Variants in ZNF391 observed in about 807,000 individuals in gnomAD.
ZNF391 encodes zinc finger protein 391.
For missense variants in ZNF391, 375 were observed against 425.5 expected (o/e 0.88, Z 1.04); for synonymous variants, 126 against 142.1 (o/e 0.89, Z 0.80).
At chr6:27,399,783 G>A (rs990818368) in intron 2 of ZNF391, among the ~76,000 whole-genome samples, 3 of 152,168 alleles carry the variant, frequency 2.0e-5, no homozygotes, top group African/African-American at 4.8e-5. Context: ...GGGTTGAGAG[G>A]CAAATGGGGA....
upstream of ZNF391, chr6:27,388,686 C>A (rs1761623919): frequency 6.2e-6 from 2 of 324,796 alleles, no homozygotes; most frequent in East Asian, 1.9e-4. Flanking sequence ...TGAATCCCAG[C>A]ACAGCCCTGC....
Position 27,400,425 on chromosome 6 carries a change from A to G in ZNF391, c.55A>G (p.Lys19Glu). ...AQGPTNEEDY[K>E]NEGQLSRQTK... ...GGGTCCTACAAATGAAGAAGACTAT[A>G]AAAACGAAGGCCAATTATCAAGGCA... Residue 19 changes from lysine (K) to glutamate (E), a missense_variant, in exon 3 of 3, where the codon AAA (lysine) becomes GAA (glutamate). Coordinates refer to ENST00000244576, the MANE Select transcript of ZNF391 (RefSeq NM_001076781.3). The G allele has an allele frequency of 1.2e-6, 2 of 1,613,988 alleles. No homozygotes were observed. The highest frequency in any genetic ancestry group is 1.7e-6 in the Non-Finnish European group (2 of 1,179,982).
In ZNF391 at chr6:27,397,785, A is replaced by G. The variant is rs1394281628; in HGVS notation, c.-187-1657A>G. Among the ~76,000 whole-genome samples the G allele has an allele frequency of 2.0e-5, 3 of 152,098 alleles. No individual in the cohort carries two copies. The East Asian group carries it at 5.8e-4, about 29-fold the overall frequency. ...GCTGGGATTACAGGCATGCACCACC[A>G]TGCCCAACTAATTTTTGTATTTTTA... is the stretch of plus-strand genomic sequence containing the variant. On this transcript the variant is annotated intron_variant, in intron 1 of 2. Transcript: ENST00000244576.
At position 27,400,815 on chromosome 6, in the gene ZNF391, A is replaced by C. The variant is rs147958327; in HGVS notation, c.445A>C (p.Ser149Arg). Residue 149 changes from serine to arginine, a missense_variant, in exon 3 of 3, where the codon AGT becomes CGT. Physicochemically the swap from Ser to Arg is moderately radical, Grantham distance 110. Transcript: ENST00000244576. ...CNKCGKSFSR[S>R]THLIEHQRTH... The stretch of plus-strand genomic sequence containing the variant: ...CAAATGTGGGAAATCTTTCAGCCGA[A>C]GTACACACCTTATTGAACATCAAAG... 8.0e-4 allele frequency: 1,290 copies of C among 1,614,244 alleles called. 12 individuals are homozygous for C. The African/African-American group carries it at 0.015, about 19-fold the overall frequency.
In ZNF391 at chr6:27,401,354, CG is replaced by C. The variant is rs34226394; in HGVS notation, c.988del (p.Glu330ArgfsTer19). 1 of 1,613,908 alleles carries C rather than the reference CG, an allele frequency of 6.2e-7. No individual in the cohort carries two copies. Among genetic ancestry groups the C allele is most frequent in the Non-Finnish European group, 8.5e-7 (1 of 1,179,990 alleles). ...SLIIHQRTHT[G>X]EKPYKCNDCG... The stretch of plus-strand genomic sequence containing the variant: ...TTATTATTCATCAGAGAACTCATAC[CG>C]GGGAGAAGCCGTACAAATGTAATGA... On this transcript the variant is annotated frameshift_variant, in exon 3 of 3. Coordinates refer to ENST00000244576, the MANE Select transcript of ZNF391 (RefSeq NM_001076781.3). LOFTEE classifies it high-confidence loss of function.
Position 27,403,099 on chromosome 6 carries a change from G to A in ZNF391, c.*1652G>A, listed in dbSNP as rs1762011183. ...TGCCTAGATTACTAAATTGATCACT[G>A]TTGACTCACTACCATTATCTAGCTC... On this transcript the variant is annotated 3_prime_UTR_variant, in exon 3 of 3. Coordinates refer to ENST00000244576, the MANE Select transcript of ZNF391 (RefSeq NM_001076781.3). The A allele has an allele frequency of 6.6e-6, 1 of 151,914 alleles. No individual in the cohort carries two copies. The highest frequency in any genetic ancestry group is 2.4e-5 in the African/African-American group (1 of 41,324). 9.4% of individuals were successfully genotyped at this position (151,914 alleles called of 1,614,324 possible).
chr6:27,398,599 C>T (rs4128497), intron 1 of ZNF391, among the ~76,000 whole-genome samples: 108,343 of 152,112 alleles, frequency 0.71, 38,789 homozygotes, highest in Middle Eastern at 0.82. Flanking sequence ...TGGCTCACGC[C>T]TGTAATCCCA....
Position 27,400,958 on chromosome 6 carries a change from T to C in ZNF391, c.588T>C (p.Ser196=). Residue 196 remains serine (S), a synonymous_variant, in exon 3 of 3, where the codon AGT becomes AGC. Transcript: ENST00000244576. ...IHTGEKPYEC[S]ECGKAFSRST... ...CTGGAGAAAAACCATATGAATGTAG[T>C]GAATGTGGAAAAGCCTTTAGCCGAA... is the stretch of plus-strand genomic sequence containing the variant. 1 of 1,614,114 alleles carries C rather than the reference T, an allele frequency of 6.2e-7. No homozygotes were observed. The highest frequency in any genetic ancestry group is 8.5e-7 in the Non-Finnish European group (1 of 1,180,022).
At position 27,401,347 on chromosome 6, in the gene ZNF391, C is replaced by A; in HGVS notation, c.977C>A (p.Thr326Asn). Residue 326 changes from threonine to asparagine, a missense_variant, in exon 3 of 3, where the codon ACT becomes AAT. Thr to Asn is a moderately conservative substitution (Grantham distance 65). Coordinates refer to ENST00000244576, the MANE Select transcript of ZNF391 (RefSeq NM_001076781.3). The part of the protein sequence containing the change: ...RSSSLIIHQR[T>N]HTGEKPYKCN... ...TCATCCCTTATTATTCATCAGAGAA[C>A]TCATACCGGGGAGAAGCCGTACAAA... The A allele has an allele frequency of 6.2e-7, 1 of 1,614,056 alleles. No homozygotes were observed. Among genetic ancestry groups the A allele is most frequent in the South Asian group, 1.1e-5 (1 of 91,080 alleles).
rs529147472 is a variant in ZNF391, at chr6:27,394,746, A to T, written c.-187-4696A>T. ...CCACAGGCATTCAACAACCTGGGAG[A>T]GCAGCATGGGGCTGAACTCTGCAAA... On this transcript the variant is annotated intron_variant, in intron 1 of 2. Coordinates refer to ENST00000244576, the MANE Select transcript of ZNF391 (RefSeq NM_001076781.3). Among the ~76,000 whole-genome samples, 5 of 152,340 alleles carry T rather than the reference A, an allele frequency of 3.3e-5. No individual in the cohort carries two copies. In the East Asian group the frequency reaches 7.7e-4, roughly 24 times the overall value.
Position 27,400,548 on chromosome 6 carries a change from C to T in ZNF391, c.178C>T (p.Pro60Ser), listed in dbSNP as rs1761926409. 6.2e-7 allele frequency: 1 copy of T among 1,614,000 alleles called. No individual in the cohort carries two copies. Among genetic ancestry groups the T allele is most frequent in the African/African-American group, 1.3e-5 (1 of 74,912 alleles). The change falls in exon 3 of 3, where the codon CCT (proline) becomes TCT (serine). Residue 60 changes from proline to serine, a missense_variant. Pro to Ser is a moderately conservative substitution (Grantham distance 74, BLOSUM62 -1). Transcript: ENST00000244576. ...AGAAATTTTCACAGGGGAGGAAGGC[C>T]CTGAATCCAGTGAATTTAGTCTAAG... is the stretch of plus-strand genomic sequence containing the variant. The part of the protein sequence containing the change: ...LKEIFTGEEG[P>S]ESSEFSLSPN...
rs770054594 is a variant in ZNF391 at position 27,399,554 on chromosome 6, A to C, written c.-79+4A>C. The C allele has an allele frequency of 6.6e-6, 1 of 152,232 alleles. No homozygotes were observed. The highest frequency in any genetic ancestry group is 1.5e-5 in the Non-Finnish European group (1 of 68,044). The allele number at this position is 152,232 out of a possible 1,614,324, so 9.4% of individuals were successfully genotyped here. ...GTGCCCAGAAATACCTGTCTTGGTG[A>C]GTAGTGTCATAAGAAGACCAGCAAT... On this transcript the variant is annotated splice_donor_region_variant and intron_variant, in intron 2 of 2. Coordinates refer to ENST00000244576, the MANE Select transcript of ZNF391 (RefSeq NM_001076781.3).
upstream of ZNF391, chr6:27,388,753 AGT>A: frequency 2.7e-6 from 1 of 365,436 alleles, no homozygotes; most frequent in Non-Finnish European, 5.3e-6. Flanking sequence ...TACGTTGCTC[AGT>A]CTCAGTGTGG....
chr6:27,384,046 C>G (rs1179524986), upstream of ZNF391, among the ~76,000 whole-genome samples: 1 of 152,158 alleles, frequency 6.6e-6, no homozygotes, highest in African/African-American at 2.4e-5. Context: ...AAAATAAAGA[C>G]TCTCTCAGAG....
rs1054656090 is a variant in ZNF391, at chr6:27,403,113, A to G, written c.*1666A>G. On this transcript the variant is annotated 3_prime_UTR_variant, in exon 3 of 3. Transcript: ENST00000244576. ...AATTGATCACTGTTGACTCACTACC[A>G]TTATCTAGCTCCTTACTAAACTACT... 6.6e-6 allele frequency: 1 copy of G among 151,616 alleles called. No individual in the cohort carries two copies. Among genetic ancestry groups the G allele is most frequent in the East Asian group, 1.9e-4 (1 of 5,146 alleles). 9.4% of individuals were successfully genotyped at this position (151,616 alleles called of 1,614,324 possible). A position where few individuals can be genotyped will look rare whatever the true frequency, so the allele number is the denominator to read the frequency against.
upstream of ZNF391, among the ~76,000 whole-genome samples, chr6:27,386,580 G>A (rs548784561): frequency 4.6e-5 from 7 of 152,124 alleles, no homozygotes; most frequent in African/African-American, 9.7e-5. Flanking sequence ...AAATAGAAAA[G>A]AGAGCCCAGA....
chr6:27,387,473 G>A (rs1761601418), upstream of ZNF391, among the ~76,000 whole-genome samples: 1 of 152,100 alleles, frequency 6.6e-6, no homozygotes, highest in South Asian at 2.1e-4. Context: ...GAGATTAATG[G>A]ATAAACAAAA....
In ZNF391 at chr6:27,382,775, C is replaced by T. The variant is rs4713087; in HGVS notation, n.523+7638C>T. On this transcript the variant is annotated intron_variant and non_coding_transcript_variant, in intron 1 of 2. Coordinates refer to the ZNF391 transcript ENST00000477999. ...GGCCTTATTGGTAGACTAGACATGG[C>T]GGAAAAAAAGAATCTCTGATCTTGC... Among the ~76,000 whole-genome samples, 1,011 of 152,000 alleles carry T rather than the reference C, an allele frequency of 6.7e-3. 26 individuals are homozygous for T. The highest frequency in any genetic ancestry group is 0.044 in the Admixed American group (675 of 15,256).
chr6:27,379,664 G>A (rs1378639999), intron 1 of ZNF391, among the ~76,000 whole-genome samples: 2 of 152,188 alleles, frequency 1.3e-5, no homozygotes, highest in South Asian at 2.1e-4. Context: ...AGCAAAATGA[G>A]TATCAGAGAA....
Sources: gnomAD v4.1 joint callset for allele counts (sites outside exome capture counted in the v4.1 genomes callset) on GRCh38, gnomAD v4.1.1 for gene constraint, MANE v1.5 for transcripts, NCBI Gene and HGNC (gene_info 2026-07-23, HGNC 2026-07-21) for gene names.